HMGXB3: variants seen among roughly 807,000 people sequenced by gnomAD.
The protein encoded by HMGXB3 is HMG-box containing 3.
HMGXB3 carries 45 observed loss-of-function variants against 121.5 expected under a neutral mutation model. That is an observed-to-expected ratio of 0.37 (90% CI 0.29 to 0.47). The LOEUF (loss-of-function observed/expected upper bound fraction) is 0.47. Among genes scored for constraint, HMGXB3 ranks in the 20% least tolerant of loss-of-function variants. The pLI is 0.99. For synonymous variants in HMGXB3, 590 were observed against 624.1 expected (o/e 0.95, Z 0.81); for missense variants, 1,376 against 1,602.2 (o/e 0.86, Z 2.41).
intron 15 of HMGXB3, among the ~76,000 whole-genome samples, chr5:150,043,875 C>G (rs1756694915): frequency 6.6e-6 from 1 of 152,192 alleles, no homozygotes; most frequent in African/African-American, 2.4e-5. Flanking sequence ...GAGTCTGCAC[C>G]CTAAGCACTG....
intron 15 of HMGXB3, among the ~76,000 whole-genome samples, chr5:150,044,434 C>G (rs570596353): frequency 6.6e-5 from 10 of 152,150 alleles, no homozygotes; most frequent in African/African-American, 2.2e-4. Context: ...AGGTGGCAAA[C>G]AAAGAGGAAT....
intron 13 of HMGXB3, among the ~76,000 whole-genome samples, chr5:150,040,079 G>A (rs1756592512): frequency 6.6e-6 from 1 of 152,196 alleles, no homozygotes; most frequent in Non-Finnish European, 1.5e-5. Context: ...TGTGTGAGGT[G>A]TAAAGGAAGA....
chr5:150,050,544 T>G (rs1197366668), intron 19 of HMGXB3, 83 bp downstream of exon 19: 20 of 1,073,944 alleles, frequency 1.9e-5, no homozygotes, highest in Non-Finnish European at 2.6e-5. Flanking sequence ...TGCAGTGGTG[T>G]TATCTCGGCT....
At chr5:150,001,285 G>T (rs1021369865) in intron 1 of HMGXB3, 106 bp downstream of exon 1, 5 of 152,360 alleles carry the variant, frequency 3.3e-5, no homozygotes, top group Admixed American at 3.3e-4. Flanking sequence ...GGGCCACTGA[G>T]CCTTAGTGTC....
rs1406309760 is a variant in HMGXB3, at chr5:150,018,521, T to A, written c.910-45T>A. On this transcript the variant is annotated intron_variant, in intron 5 of 19. Transcript: ENST00000502717. The stretch of plus-strand genomic sequence containing the variant: ...GCTGTGATTATAGTGGTCATCAGTC[T>A]GAGAGAGGTTGTTCTATTGATTCTG... 9 of 1,472,822 alleles carry A rather than the reference T, an allele frequency of 6.1e-6. No homozygotes were observed. The South Asian group carries it at 1.1e-4, about 19-fold the overall frequency. The allele number at this position is 1,472,822 out of a possible 1,614,324, so 91.2% of individuals were successfully genotyped here. A position where few individuals can be genotyped will look rare whatever the true frequency, so the allele number is the denominator to read the frequency against.
At chr5:150,018,892 T>C (rs939141855) in intron 6 of HMGXB3, among the ~76,000 whole-genome samples, 195 bp downstream of exon 6, 3 of 152,244 alleles carry the variant, frequency 2.0e-5, no homozygotes, top group African/African-American at 7.2e-5. Flanking sequence ...CAAACTCATA[T>C]ACCATCCAAA....
At position 150,027,175 on chromosome 5, in the gene HMGXB3, G is replaced by A. The variant is rs1756252931; in HGVS notation, c.1734+58G>A. 2.2e-6 allele frequency: 3 copies of A among 1,346,446 alleles called. No individual in the cohort carries two copies. In the Admixed American group the frequency reaches 6.4e-5, roughly 29 times the overall value. 83.4% of individuals were successfully genotyped at this position (1,346,446 alleles called of 1,614,324 possible). On this transcript the variant is annotated intron_variant, in intron 9 of 19. Coordinates refer to ENST00000502717, the MANE Select transcript of HMGXB3 (RefSeq NM_014983.3). The stretch of plus-strand genomic sequence containing the variant: ...GAGGGTCTGGCTGCTTCCATGTAAT[G>A]TATCAAAGCTATAGGTAAAGGCACA...
intron 9 of HMGXB3, 49 bp from the exon 10 acceptor site, chr5:150,030,692 G>A (rs1489223917): frequency 1.3e-5 from 18 of 1,368,402 alleles, no homozygotes; most frequent in Non-Finnish European, 1.8e-5. Context: ...GGGAGCTCAG[G>A]AGTTTGGCTA....
intron 18 of HMGXB3, among the ~76,000 whole-genome samples, chr5:150,048,952 T>C (rs1756824551): frequency 6.6e-6 from 1 of 152,172 alleles, no homozygotes; most frequent in East Asian, 1.9e-4. Flanking sequence ...AAGATGTCGT[T>C]CCTCCCTAGT....
At chr5:150,032,738 C>T (rs1375774314) in intron 11 of HMGXB3, 135 bp downstream of exon 11, 5 of 1,072,952 alleles carry the variant, frequency 4.7e-6, no homozygotes, top group Admixed American at 5.3e-5. Flanking sequence ...TTGGTGGGTT[C>T]TGAACCTGAG....
chr5:150,038,757 T>C (rs1756556644), intron 13 of HMGXB3, among the ~76,000 whole-genome samples: 1 of 152,216 alleles, frequency 6.6e-6, no homozygotes, highest in Non-Finnish European at 1.5e-5. Context: ...GAGTCATCCA[T>C]ATTGTGTTTA....
chr5:150,016,321 A>C (rs1033742664), intron 5 of HMGXB3, among the ~76,000 whole-genome samples: 1 of 147,832 alleles, frequency 6.8e-6, no homozygotes, highest in African/African-American at 2.5e-5. Context: ...AGCCTGAGCA[A>C]CAGAGTGAGA....
intron 15 of HMGXB3, 135 bp from the exon 16 acceptor site, chr5:150,045,331 T>C (rs2113760758): frequency 8.4e-6 from 6 of 710,936 alleles, no homozygotes; most frequent in Non-Finnish European, 1.4e-5. Flanking sequence ...TTCAAGGCCC[T>C]GTGGCAGTGC....
chr5:150,007,158 C>T (rs572636034), intron 3 of HMGXB3, among the ~76,000 whole-genome samples: 1 of 152,232 alleles, frequency 6.6e-6, no homozygotes, highest in East Asian at 1.9e-4. Flanking sequence ...ATGCTGAAAG[C>T]AAAAATGCAA....
intron 5 of HMGXB3, among the ~76,000 whole-genome samples, chr5:150,013,893 T>G (rs1375085342): frequency 6.6e-6 from 1 of 152,274 alleles, no homozygotes; most frequent in Non-Finnish European, 1.5e-5. Context: ...TGAAAAAGTT[T>G]AGACCTTAAA....
intron 6 of HMGXB3, among the ~76,000 whole-genome samples, chr5:150,022,827 T>TTC (rs1756131684): frequency 6.7e-6 from 1 of 149,918 alleles, no homozygotes; most frequent in Admixed American, 6.6e-5. Flanking sequence ...CTTTTTTTTT[T>TTC]TTTTTTTTTC....
chr5:150,004,975 G>T lies in HMGXB3; in HGVS notation c.123G>T (p.Lys41Asn). ...KKKKYKIHGE[K>N]TKKPRSAYLL... Reference sequence around the variant, plus strand: ...AAAAGTATAAAATACATGGAGAAAAGACAAAGAAACCCAGGTTAGCCAACA... The same window carrying T: ...AAAAGTATAAAATACATGGAGAAAATACAAAGAAACCCAGGTTAGCCAACA... The change falls in exon 2 of 20, where the codon AAG (lysine) becomes AAT (asparagine). Residue 41 changes from lysine (K) to asparagine (N), a missense_variant. Around this residue, in one of 2 missense-constraint regions of HMGXB3, gnomAD observed 1,116 missense variants for 1,369.0 expected, o/e 0.82. Coordinates refer to ENST00000502717, the MANE Select transcript of HMGXB3 (RefSeq NM_014983.3). 1 of 1,549,512 alleles carries T rather than the reference G, an allele frequency of 6.5e-7. No homozygotes were observed. Among genetic ancestry groups the T allele is most frequent in the South Asian group, 1.2e-5 (1 of 83,290 alleles).
At chr5:150,009,981 TAG>T (rs1196320278) in intron 3 of HMGXB3, 128 bp from the exon 4 acceptor site, 1 of 974,858 alleles carries the variant, frequency 1.0e-6, no homozygotes, top group Non-Finnish European at 1.5e-6. Flanking sequence ...GTCAAGAGAG[TAG>T]AGTTTTTCCA....
chr5:150,012,113 TA>T (rs1755853658), intron 4 of HMGXB3, 141 bp from the exon 5 acceptor site: 1 of 615,878 alleles, frequency 1.6e-6, no homozygotes, highest in African/African-American at 1.8e-5. Flanking sequence ...GAGATAATCA[TA>T]AATTCATTCC....
Sources: allele counts gnomAD v4.1 joint callset (sites outside exome capture counted in the v4.1 genomes callset), GRCh38; gene constraint gnomAD v4.1.1; regional missense constraint gnomAD v4.1.1; transcripts MANE v1.5; gene names NCBI Gene and HGNC (gene_info 2026-07-23, HGNC 2026-07-21).